The following ANKRD30B variants were observed in gnomAD, a reference collection of about 807,000 sequenced individuals.
ANKRD30B encodes ankyrin repeat domain-containing protein 30B.
A neutral mutation model predicts 202.2 loss-of-function variants in ANKRD30B; 144 were observed. The ratio of observed to expected loss-of-function variants is 0.71; its 90% CI spans 0.62 to 0.82. The LOEUF is 0.82. Ranked by LOEUF, ANKRD30B falls within the 40% of genes least tolerant of loss-of-function variation. The probability of loss-of-function intolerance (pLI) is 0.00; values close to 1 mark genes in which losing one functional copy is unlikely to be tolerated. For missense variants in ANKRD30B, 1,487 were observed against 1,669.1 expected (o/e 0.89, Z 1.90); for synonymous variants, 508 against 561.3 (o/e 0.91, Z 1.34).
At chr18:14,760,641 A>G (rs1438003013) in intron 6 of ANKRD30B, 23 bp downstream of exon 6, 1 of 1,481,754 alleles carries the variant, frequency 6.7e-7, no homozygotes, top group Non-Finnish European at 9.1e-7. Context: ...ATAGCAAACT[A>G]CTCTTGATGG....
At chr18:14,883,567 G>T in the ANKRD30B span, 1 of 149,714 alleles carries the variant, frequency 6.7e-6, no homozygotes, top group Non-Finnish European at 1.5e-5. Context: ...TGGGTAAATG[G>T]TGGCTGATTG....
the ANKRD30B span, among the ~76,000 whole-genome samples, chr18:14,911,010 G>T: frequency 6.6e-6 from 1 of 152,032 alleles, no homozygotes. Context: ...GTTTCTTTTA[G>T]ATTCTGGATA....
At chr18:14,791,980 T>C (rs1279224508) in intron 16 of ANKRD30B, among the ~76,000 whole-genome samples, 14 of 152,116 alleles carry the variant, frequency 9.2e-5, no homozygotes, top group Non-Finnish European at 1.5e-4. Context: ...TTCTCACTGG[T>C]GGGAAGCCAT....
chr18:14,797,431 AT>A (rs756474556), intron 18 of ANKRD30B, among the ~76,000 whole-genome samples: 1 of 152,160 alleles, frequency 6.6e-6, no homozygotes, highest in Non-Finnish European at 1.5e-5. Flanking sequence ...GCAGTTTTGT[AT>A]TTACAATAAC....
At chr18:14,877,308 GATGAATGAATGA>G in the ANKRD30B span, among the ~76,000 whole-genome samples, 2,640 of 111,512 alleles carry the variant, frequency 0.024, 68 homozygotes, top group African/African-American at 0.071. Flanking sequence ...CTCAATAAAT[GATGAATGAATGA>G]ATGAATGAAT....
At chr18:14,884,575 T>C in the ANKRD30B span, among the ~76,000 whole-genome samples, 1 of 151,872 alleles carries the variant, frequency 6.6e-6, no homozygotes, top group African/African-American at 2.4e-5. Context: ...TATTAGAATA[T>C]AAATGAAAGA....
intron 8 of ANKRD30B, among the ~76,000 whole-genome samples, chr18:14,771,911 G>A (rs1967026628): frequency 6.6e-6 from 1 of 152,150 alleles, no homozygotes; most frequent in South Asian, 2.1e-4. Context: ...CTAAGAGTCA[G>A]TCTTTATTGT....
intron 5 of ANKRD30B, among the ~76,000 whole-genome samples, chr18:14,758,436 G>A (rs1298848244): frequency 6.6e-6 from 1 of 152,160 alleles, no homozygotes; most frequent in East Asian, 1.9e-4. Context: ...CGTTGCCATT[G>A]AAACTGCCCC....
At chr18:14,940,222 C>G in the ANKRD30B span, among the ~76,000 whole-genome samples, 1 of 152,214 alleles carries the variant, frequency 6.6e-6, no homozygotes, top group Non-Finnish European at 1.5e-5. Flanking sequence ...CACCCAGCCT[C>G]CCTGCTGTAG....
chr18:14,752,818 T>C lies in ANKRD30B; in HGVS notation c.337-21T>C, dbSNP rs1913674444. ...TGATTTCCTATAATTTATAATGTAC[T>C]TCTTGCTTTAATACTGACAGGCTCT... On this transcript the variant is annotated intron_variant, in intron 2 of 43. Coordinates refer to ENST00000690538, the MANE Select transcript of ANKRD30B (RefSeq NM_001367607.2). 1.9e-6 allele frequency: 3 copies of C among 1,597,110 alleles called. No homozygotes were observed. In the African/African-American group the frequency reaches 4.1e-5, roughly 22 times the overall value.
At chr18:14,856,574 GC>G (rs1275849869), downstream of ANKRD30B, among the ~76,000 whole-genome samples, 1 of 118,368 alleles carries the variant, frequency 8.4e-6, no homozygotes, top group African/African-American at 3.0e-5. Flanking sequence ...CCCAGATGGG[GC>G]GGCCGGGCAG....
At chr18:14,784,723 T>A (rs377674891) in intron 14 of ANKRD30B, among the ~76,000 whole-genome samples, 188 bp downstream of exon 14, 31 of 152,142 alleles carry the variant, frequency 2.0e-4, no homozygotes, top group Middle Eastern at 3.4e-3. Flanking sequence ...ATATTTTTTT[T>A]AAAAAAATGT....
chr18:14,820,207 G>A (rs1335181581), intron 30 of ANKRD30B, among the ~76,000 whole-genome samples: 11 of 152,276 alleles, frequency 7.2e-5, no homozygotes, highest in Middle Eastern at 3.4e-3. Context: ...TTTGTACATT[G>A]ATTTTGTATC....
At chr18:14,791,636 C>CGTCT in intron 16 of ANKRD30B, 145 bp downstream of exon 16, 1 of 633,198 alleles carries the variant, frequency 1.6e-6, no homozygotes. Flanking sequence ...ATAAGTTATA[C>CGTCT]GTCTTATCAG....
At chr18:14,810,618 T>A (rs1969860689) in intron 28 of ANKRD30B, among the ~76,000 whole-genome samples, 1 of 151,118 alleles carries the variant, frequency 6.6e-6, no homozygotes, top group Non-Finnish European at 1.5e-5. Flanking sequence ...GTTTTTCTGA[T>A]TAGGTGACTG....
chr18:14,866,531 C>A, the ANKRD30B span, among the ~76,000 whole-genome samples: 1 of 152,092 alleles, frequency 6.6e-6, no homozygotes, highest in Non-Finnish European at 1.5e-5. Context: ...AAGGTGGGGA[C>A]CGTGCCCAAC....
intron 4 of ANKRD30B, among the ~76,000 whole-genome samples, chr18:14,756,620 A>G (rs1914411516): frequency 6.6e-6 from 1 of 152,140 alleles, no homozygotes; most frequent in Admixed American, 6.5e-5. Context: ...TTTGCTGGGC[A>G]TGGTAGTTGT....
chr18:14,872,694 TTTC>T, the ANKRD30B span, among the ~76,000 whole-genome samples: 1 of 152,218 alleles, frequency 6.6e-6, no homozygotes, highest in East Asian at 1.9e-4. Context: ...GTGACCTATT[TTTC>T]TTAATGCTCC....
chr18:14,790,249 G>T (rs994525190), intron 15 of ANKRD30B, among the ~76,000 whole-genome samples: 2 of 152,154 alleles, frequency 1.3e-5, no homozygotes, highest in Non-Finnish European at 2.9e-5. Flanking sequence ...TGTATCCTGA[G>T]ATTTTGCTGA....
Sources: allele counts gnomAD v4.1 joint callset (sites outside exome capture counted in the v4.1 genomes callset), GRCh38; gene constraint gnomAD v4.1.1; transcripts MANE v1.5; gene names NCBI Gene and HGNC (gene_info 2026-07-23, HGNC 2026-07-21).